The following SMYD3 variants were observed in gnomAD, a reference collection of about 807,000 sequenced individuals.
SMYD3 encodes the protein SET and MYND domain containing 3.
SMYD3 carries 36 observed loss-of-function variants against 57.7 expected under a neutral mutation model. The observed-to-expected ratio is 0.62, with a 90% CI of 0.48 to 0.82. SMYD3 has a LOEUF of 0.82. Among genes scored for constraint, SMYD3 ranks in the 40% least tolerant of loss-of-function variants. SMYD3 has a pLI of 0.00. For synonymous variants in SMYD3, 211 were observed against 195.0 expected, an observed-to-expected ratio of 1.08 and a Z score of -0.68; for missense variants, 515 against 538.8, an observed-to-expected ratio of 0.96 and a Z score of 0.44.
At position 246,182,109 on chromosome 1, in the gene SMYD3, G is replaced by C. The variant is rs77743880; in HGVS notation, c.531+145092C>G. 1.4e-3 allele frequency among the ~76,000 whole-genome samples: 212 copies of C among 152,284 alleles called. 1 individual carries two copies. Among genetic ancestry groups the C allele is most frequent in the African/African-American group, 4.7e-3 (194 of 41,572 alleles). ...CAAATTAATCTAATTTTTAAAAAGAGAGACCAAGTAAAACCTCACCACTGT... is the reference window on the plus strand; with the variant it reads ...CAAATTAATCTAATTTTTAAAAAGACAGACCAAGTAAAACCTCACCACTGT... On this transcript the variant is annotated intron_variant, in intron 5 of 11. Coordinates refer to ENST00000490107, the MANE Select transcript of SMYD3 (RefSeq NM_001167740.2).
chr1:246,257,534 T>C (rs765153931), intron 5 of SMYD3, among the ~76,000 whole-genome samples: 1 of 152,250 alleles, frequency 6.6e-6, no homozygotes. Context: ...GATGGGTCAC[T>C]TGAAGACAGC....
In SMYD3 at chr1:245,749,484, C is replaced by T; in HGVS notation, c.*79G>A. ...TTTCCAATAGGAGAGGTTCACACAG[C>T]TAACAAAGCATAGAGTGTGTGACCT... On this transcript the variant is annotated 3_prime_UTR_variant, in exon 12 of 12. Transcript: ENST00000490107. 9.0e-7 allele frequency: 1 copy of T among 1,111,764 alleles called. No homozygotes were observed. The highest frequency in any genetic ancestry group is 1.3e-5 in the South Asian group (1 of 75,938). The allele number at this position is 1,111,764 out of a possible 1,614,324, so 68.9% of individuals were successfully genotyped here. A position where few individuals can be genotyped will look rare whatever the true frequency, so the allele number is the denominator to read the frequency against.
intron 1 of SMYD3, among the ~76,000 whole-genome samples, chr1:246,501,925 C>T (rs983398458): frequency 4.6e-5 from 7 of 152,182 alleles, no homozygotes; most frequent in Non-Finnish European, 8.8e-5. Flanking sequence ...AACCACTTCC[C>T]TAGCGGTCCT....
intron 1 of SMYD3, among the ~76,000 whole-genome samples, chr1:246,499,059 C>T (rs1361754982): frequency 6.6e-6 from 1 of 151,968 alleles, no homozygotes; most frequent in African/African-American, 2.4e-5. Flanking sequence ...CCTAACAAAG[C>T]ACTGGGATTA....
At chr1:246,361,521 T>G (rs141804406) in intron 1 of SMYD3, among the ~76,000 whole-genome samples, 2 of 152,128 alleles carry the variant, frequency 1.3e-5, no homozygotes, top group African/African-American at 4.8e-5. Flanking sequence ...CAATTTGCAA[T>G]TGCAAAAATA....
intron 1 of SMYD3, among the ~76,000 whole-genome samples, chr1:246,411,134 A>AT (rs1219555720): frequency 2.6e-5 from 4 of 152,086 alleles, no homozygotes; most frequent in African/African-American, 4.8e-5. Flanking sequence ...GGATTCATTG[A>AT]TTTTTTGAAG....
At chr1:245,764,637 T>G (rs2045992175) in intron 10 of SMYD3, among the ~76,000 whole-genome samples, 1 of 152,044 alleles carries the variant, frequency 6.6e-6, no homozygotes, top group Non-Finnish European at 1.5e-5. Context: ...GCCCTTTGAT[T>G]GAATCTCAGC....
At chr1:246,458,613 ATTTTTTTTTTTTTT>A (rs74163446) in intron 1 of SMYD3, among the ~76,000 whole-genome samples, 1 of 46,876 alleles carries the variant, frequency 2.1e-5, no homozygotes. Flanking sequence ...CGCCTGGCTG[ATTTTTTTTTTTTTT>A]TTTTTTTTTT....
intron 5 of SMYD3, among the ~76,000 whole-genome samples, chr1:246,211,811 T>C (rs565021769): frequency 1.3e-5 from 2 of 152,216 alleles, no homozygotes; most frequent in East Asian, 3.9e-4. Context: ...AAGGTGGATA[T>C]TGTGTGATAT....
chr1:246,057,450 T>C lies in SMYD3; in HGVS notation c.532-127513A>G, dbSNP rs778843947. On this transcript the variant is annotated intron_variant, in intron 5 of 11. Coordinates refer to ENST00000490107, the MANE Select transcript of SMYD3 (RefSeq NM_001167740.2). ...CATTGCTGTTCCTCAAATATAGTTT[T>C]TGCATTAAAAATGTATGATGGATAC... Among the ~76,000 whole-genome samples, 11 of 152,342 alleles carry C rather than the reference T, an allele frequency of 7.2e-5. No individual in the cohort carries two copies. In the South Asian group the frequency reaches 8.3e-4, roughly 11 times the overall value.
chr1:246,495,076 G>A (rs569841189), intron 1 of SMYD3, among the ~76,000 whole-genome samples: 94 of 152,276 alleles, frequency 6.2e-4, no homozygotes, highest in African/African-American at 2.2e-3. Context: ...TCTGCCGGGC[G>A]CGGTGGCTCA....
At chr1:246,329,536 T>C (rs1196472843) in intron 4 of SMYD3, among the ~76,000 whole-genome samples, 1 of 151,688 alleles carries the variant, frequency 6.6e-6, no homozygotes, top group Non-Finnish European at 1.5e-5. Flanking sequence ...TTTGATGGGG[T>C]TGTTTGTTTT....
chr1:246,459,360 C>T (rs1263570461), intron 1 of SMYD3, among the ~76,000 whole-genome samples: 2 of 151,712 alleles, frequency 1.3e-5, no homozygotes, highest in East Asian at 1.9e-4. Flanking sequence ...GTGTGTAGCA[C>T]GTCCCCATTC....
intron 5 of SMYD3, among the ~76,000 whole-genome samples, chr1:246,235,897 T>A (rs1237140336): frequency 6.6e-6 from 1 of 152,184 alleles, no homozygotes; most frequent in East Asian, 1.9e-4. Flanking sequence ...ATTTTTTATT[T>A]AATTTAATGA....
intron 2 of SMYD3, among the ~76,000 whole-genome samples, chr1:246,342,928 T>TA (rs34258251): frequency 0.14 from 21,794 of 152,124 alleles, 2,137 homozygotes; most frequent in East Asian, 0.43. Flanking sequence ...GGCTCATAGG[T>TA]AAAATTCATT....
At chr1:246,502,898 A>C (rs2103079313) in intron 1 of SMYD3, among the ~76,000 whole-genome samples, 1 of 152,124 alleles carries the variant, frequency 6.6e-6, no homozygotes, top group South Asian at 2.1e-4. Flanking sequence ...AAGCTCCTCC[A>C]CCTCCTTCAC....
intron 11 of SMYD3, among the ~76,000 whole-genome samples, chr1:245,756,885 G>C (rs777898503): frequency 2.6e-5 from 4 of 151,118 alleles, no homozygotes; most frequent in Non-Finnish European, 4.4e-5. Context: ...TACTGTTCGG[G>C]GTTTGCTTAG....
intron 10 of SMYD3, among the ~76,000 whole-genome samples, chr1:245,843,149 C>G (rs1416629017): frequency 6.6e-6 from 1 of 152,180 alleles, no homozygotes; most frequent in Non-Finnish European, 1.5e-5. Flanking sequence ...AATACTCTCC[C>G]ACTCATGATG....
chr1:245,761,735 T>G (rs1480745840), intron 11 of SMYD3, among the ~76,000 whole-genome samples: 1 of 151,784 alleles, frequency 6.6e-6, no homozygotes, highest in African/African-American at 2.4e-5. Context: ...CTGGATTTAA[T>G]GACTTGTACA....
Sources: allele counts gnomAD v4.1 joint callset (sites outside exome capture counted in the v4.1 genomes callset), GRCh38; gene constraint gnomAD v4.1.1; transcripts MANE v1.5; gene names NCBI Gene and HGNC (gene_info 2026-07-23, HGNC 2026-07-21).